NSD1: variants seen among roughly 807,000 people sequenced by gnomAD.
NSD1 encodes the protein histone-lysine N-methyltransferase, H3 lysine-36 specific.
In NSD1, 26 loss-of-function variants were observed where a neutral mutation model predicts 242.7. The ratio of observed to expected loss-of-function variants is 0.11; its 90% CI spans 0.08 to 0.15. NSD1 has a LOEUF of 0.15. NSD1 is among the 10% of genes least tolerant of loss of function. The probability of loss-of-function intolerance (pLI) is 1.00; values close to 1 mark genes in which losing one functional copy is unlikely to be tolerated. For synonymous variants in NSD1, 1,106 were observed against 1,178.1 expected, an observed-to-expected ratio of 0.94 and a Z score of 1.25; for missense variants, 2,495 against 3,272.8, an observed-to-expected ratio of 0.76 and a Z score of 5.80.
intron 8 of NSD1, among the ~76,000 whole-genome samples, chr5:177,240,510 G>A (rs556696561): frequency 2.6e-5 from 4 of 151,970 alleles, no homozygotes; most frequent in Admixed American, 6.6e-5. Context: ...TCAGGATATC[G>A]AGACCATCCT....
At chr5:177,260,381 C>G (rs765552452) in intron 14 of NSD1, among the ~76,000 whole-genome samples, 10 of 113,846 alleles carry the variant, frequency 8.8e-5, no homozygotes, top group Non-Finnish European at 5.1e-5. Context: ...ACGTTTCACT[C>G]TGTTGCCCAG....
Position 177,210,419 on chromosome 5 carries a change from A to G in NSD1, c.2020A>G (p.Asn674Asp). The change falls in exon 5 of 23, where the codon AAC becomes GAC. Residue 674 changes from asparagine (N) to aspartate (D), a missense_variant. Physicochemically the swap from Asn to Asp is conservative, Grantham distance 23. Transcript: ENST00000439151. The part of the protein sequence containing the change: ...EIPDAFDRTE[N>D]MLSMQKNEKI... ...TCCAGATGCTTTCGATAGAACAGAG[A>G]ACATGTTATCTATGCAGAAAAATGA... 1 of 1,614,204 alleles carries G rather than the reference A, an allele frequency of 6.2e-7. No individual in the cohort carries two copies. The highest frequency in any genetic ancestry group is 8.5e-7 in the Non-Finnish European group (1 of 1,180,042).
intron 21 of NSD1, among the ~76,000 whole-genome samples, chr5:177,289,973 G>A (rs2127272536): frequency 6.6e-6 from 1 of 150,964 alleles, no homozygotes; most frequent in African/African-American, 2.4e-5. Flanking sequence ...AACTACAGGC[G>A]CCCGCCACCA....
At chr5:177,245,521 C>T (rs975878070) in intron 9 of NSD1, among the ~76,000 whole-genome samples, 2 of 152,038 alleles carry the variant, frequency 1.3e-5, no homozygotes, top group African/African-American at 4.8e-5. Flanking sequence ...TTAACTAGCA[C>T]AGATATCCTA....
At chr5:177,185,833 T>A (rs1410580309) in intron 2 of NSD1, among the ~76,000 whole-genome samples, 25 of 90,900 alleles carry the variant, frequency 2.8e-4, no homozygotes, top group African/African-American at 1.2e-3. Context: ...TATATAAGTT[T>A]TATATATTTA....
chr5:177,170,087 A>G (rs1365044159), intron 2 of NSD1, among the ~76,000 whole-genome samples: 1 of 151,492 alleles, frequency 6.6e-6, no homozygotes, highest in Non-Finnish European at 1.5e-5. Context: ...CTCCTGCCTC[A>G]GCCTCCCGAG....
chr5:177,289,406 A>G (rs890115855), intron 21 of NSD1, among the ~76,000 whole-genome samples: 1 of 152,166 alleles, frequency 6.6e-6, no homozygotes, highest in South Asian at 2.1e-4. Flanking sequence ...GATCAATTAT[A>G]TAAGAGGTTT....
chr5:177,267,758 C>T (rs367805392), intron 15 of NSD1, 40 bp downstream of exon 15: 5 of 1,600,702 alleles, frequency 3.1e-6, no homozygotes, highest in East Asian at 2.2e-5. Context: ...TTACCATCCT[C>T]TGTTTCTTGA....
chr5:177,252,797 CT>C lies in NSD1; in HGVS notation c.4765+960del, dbSNP rs758066435. 2.3e-4 allele frequency among the ~76,000 whole-genome samples: 33 copies of C among 144,628 alleles called. No homozygotes were observed. In the East Asian group the frequency reaches 3.0e-3, roughly 13 times the overall value. The allele number at this position is 144,628 out of a possible 152,430, so 94.9% of individuals were successfully genotyped here. On this transcript the variant is annotated intron_variant, in intron 12 of 22. Transcript: ENST00000439151. ...AAGTGTTCTCTCGCTCTCTCTCTCC[CT>C]TTTTTTTTTTTTTTTCTTAGCATGA...
chr5:177,156,790 T>C (rs533419570), intron 2 of NSD1, among the ~76,000 whole-genome samples: 1 of 152,238 alleles, frequency 6.6e-6, no homozygotes, highest in Admixed American at 6.6e-5. Flanking sequence ...CCCAGCACTT[T>C]GGGAGGCTGG....
In NSD1 at chr5:177,211,857, A is replaced by G; in HGVS notation, c.3458A>G (p.Gln1153Arg). The G allele has an allele frequency of 1.9e-6, 3 of 1,613,260 alleles. No homozygotes were observed. The highest frequency in any genetic ancestry group is 2.5e-6 in the Non-Finnish European group (3 of 1,179,596). ...AATGATGAACTCAATGGTGTAAATCAAGTGGTGCCTAAAAAGCGGTGGCAG... is the reference window on the plus strand; with the variant it reads ...AATGATGAACTCAATGGTGTAAATCGAGTGGTGCCTAAAAAGCGGTGGCAG... ...SENDELNGVNQVVPKKRWQRL... is the reference protein window; with the variant it reads ...SENDELNGVNRVVPKKRWQRL... The change falls in exon 5 of 23, where the codon CAA becomes CGA. Residue 1153 changes from glutamine (Q) to arginine (R), a missense_variant. Physicochemically the swap from Gln to Arg is conservative, Grantham distance 43 (BLOSUM62 1). Around this residue, in one of 19 missense-constraint regions of NSD1, gnomAD observed 426 missense variants for 411.4 expected, o/e 1.04. Coordinates refer to ENST00000439151, the MANE Select transcript of NSD1 (RefSeq NM_022455.5).
intron 13 of NSD1, among the ~76,000 whole-genome samples, chr5:177,259,232 A>G (rs984048866): frequency 6.6e-6 from 1 of 152,166 alleles, no homozygotes; most frequent in African/African-American, 2.4e-5. Context: ...AGCAGTGTTG[A>G]TGTTTGTTTT....
chr5:177,262,244 T>A (rs1050002992), intron 14 of NSD1, among the ~76,000 whole-genome samples: 1 of 152,230 alleles, frequency 6.6e-6, no homozygotes, highest in African/African-American at 2.4e-5. Flanking sequence ...TATTACCCAC[T>A]TTCCCTGCAA....
At chr5:177,266,604 C>T in intron 14 of NSD1, 1 of 640,534 alleles carries the variant, frequency 1.6e-6, no homozygotes, top group Middle Eastern at 3.0e-4. Context: ...CCCGCACCTA[C>T]TCCTCTTCCG....
At chr5:177,203,205 A>G (rs1762631222) in intron 3 of NSD1, among the ~76,000 whole-genome samples, 1 of 152,144 alleles carries the variant, frequency 6.6e-6, no homozygotes, top group Non-Finnish European at 1.5e-5. Flanking sequence ...ACAAATTGTT[A>G]AACATGTGTT....
intron 2 of NSD1, among the ~76,000 whole-genome samples, chr5:177,170,685 G>C (rs545166833): frequency 2.0e-5 from 3 of 152,182 alleles, no homozygotes; most frequent in South Asian, 4.2e-4. Context: ...GAAAGTGTAC[G>C]TGACTTCCTA....
intron 2 of NSD1, among the ~76,000 whole-genome samples, chr5:177,165,474 A>G (rs1759106481): frequency 6.6e-6 from 1 of 152,008 alleles, no homozygotes; most frequent in Non-Finnish European, 1.5e-5. Context: ...TTAAAATTCA[A>G]TTTGCCTTTT....
intron 20 of NSD1, among the ~76,000 whole-genome samples, chr5:177,285,563 C>CAAA (rs772293606): frequency 1.4e-3 from 117 of 81,030 alleles, no homozygotes; most frequent in East Asian, 1.9e-3. Context: ...GATTCCATCT[C>CAAA]AAAAAAAAAA....
rs1206954313 is a variant in NSD1 at position 177,141,314 on chromosome 5, G to A, written c.927+5284G>A. On this transcript the variant is annotated intron_variant, in intron 2 of 22. Transcript: ENST00000439151. ...GGATTACAGGCGTGAGCCACCGCGC[G>A]CAGCCTTTTTTTTTTTTTTTTTTTT... Among the ~76,000 whole-genome samples the A allele has an allele frequency of 7.9e-5, 11 of 139,854 alleles. No individual in the cohort carries two copies. The East Asian group carries it at 1.4e-3, about 18-fold the overall frequency. 91.7% of individuals were successfully genotyped at this position (139,854 alleles called of 152,430 possible). A position where few individuals can be genotyped will look rare whatever the true frequency, so the allele number is the denominator to read the frequency against.
Sources: gnomAD v4.1 joint callset for allele counts (sites outside exome capture counted in the v4.1 genomes callset) on GRCh38, gnomAD v4.1.1 for gene constraint, gnomAD v4.1.1 regional missense constraint, MANE v1.5 for transcripts, NCBI Gene and HGNC (gene_info 2026-07-23, HGNC 2026-07-21) for gene names.